UBE2L3: variants seen among roughly 807,000 people sequenced by gnomAD.
UBE2L3 encodes ubiquitin-conjugating enzyme E2 L3.
A neutral mutation model predicts 17.8 loss-of-function variants in UBE2L3; 1 was observed. That is an observed-to-expected ratio of 0.06 (90% confidence interval 0.02 to 0.27). The LOEUF (loss-of-function observed/expected upper bound fraction) is 0.27. Among genes scored for constraint, UBE2L3 ranks in the 10% least tolerant of loss-of-function variants. UBE2L3 has a pLI of 1.00. For synonymous variants in UBE2L3, 44 were observed against 68.5 expected (o/e 0.64, Z 1.76); for missense variants, 40 against 192.6 (o/e 0.21, Z 4.69).
chr22:21,580,096 C>T (rs994375121), intron 1 of UBE2L3, among the ~76,000 whole-genome samples: 1 of 152,196 alleles, frequency 6.6e-6, no homozygotes, highest in Non-Finnish European at 1.5e-5. Context: ...CCAGAGCAAG[C>T]TAAGCCCTCC....
At chr22:21,602,353 A>G (rs1478360997) in intron 2 of UBE2L3, among the ~76,000 whole-genome samples, 1 of 152,168 alleles carries the variant, frequency 6.6e-6, no homozygotes, top group Non-Finnish European at 1.5e-5. Flanking sequence ...AACACACCAC[A>G]AGGACGTGCC....
chr22:21,605,507 TTTTC>T (rs1280390634), intron 2 of UBE2L3, among the ~76,000 whole-genome samples: 4 of 152,108 alleles, frequency 2.6e-5, no homozygotes, highest in Non-Finnish European at 5.9e-5. Flanking sequence ...TTTTTTTTCT[TTTTC>T]TTTTTCTTTT....
chr22:21,568,474 G>A (rs1926769794), intron 1 of UBE2L3: 1 of 975,766 alleles, frequency 1.0e-6, no homozygotes, highest in African/African-American at 1.8e-5. Context: ...TCCCCTCCCT[G>A]ATAAAGTGCC....
rs187574906 is a variant in UBE2L3, at chr22:21,604,356, G to A, written c.124-6501G>A. 2.0e-3 allele frequency among the ~76,000 whole-genome samples: 308 copies of A among 152,152 alleles called. 1 individual carries two copies. Among genetic ancestry groups the A allele is most frequent in the African/African-American group, 6.5e-3 (271 of 41,504 alleles). ...TCTACTAAAATACAAAAAATTAGCC[G>A]GACGTGGCAGCCTGCGCCTGTAATC... On this transcript the variant is annotated intron_variant, in intron 2 of 3. Coordinates refer to ENST00000342192, the MANE Select transcript of UBE2L3 (RefSeq NM_003347.4).
At chr22:21,614,291 G>A (rs1205617408) in intron 3 of UBE2L3, among the ~76,000 whole-genome samples, 1 of 152,178 alleles carries the variant, frequency 6.6e-6, no homozygotes, top group Non-Finnish European at 1.5e-5. Flanking sequence ...AATATGGGAA[G>A]TGAAAGTGCC....
intron 1 of UBE2L3, among the ~76,000 whole-genome samples, chr22:21,573,371 G>T (rs144373037): frequency 2.6e-5 from 4 of 152,064 alleles, no homozygotes; most frequent in African/African-American, 9.7e-5. Context: ...TCTGGATCTC[G>T]TGATTGGCAT....
chr22:21,584,301 C>T (rs5998576), intron 1 of UBE2L3, among the ~76,000 whole-genome samples: 32,932 of 151,104 alleles, frequency 0.22, 4,364 homozygotes, highest in East Asian at 0.51. Flanking sequence ...CCTTAGCCTC[C>T]CGAGTAGCTG....
At chr22:21,594,640 C>A (rs193117654) in intron 2 of UBE2L3, among the ~76,000 whole-genome samples, 1 of 152,032 alleles carries the variant, frequency 6.6e-6, no homozygotes, top group East Asian at 1.9e-4. Flanking sequence ...ATGTTTAAAT[C>A]TGGGAGCTTC....
chr22:21,565,888 T>C (rs1926611471), upstream of UBE2L3, among the ~76,000 whole-genome samples: 1 of 151,392 alleles, frequency 6.6e-6, no homozygotes, highest in South Asian at 2.1e-4. Context: ...GCCTGAATGA[T>C]TGCAACCGGT....
chr22:21,570,349 TTAAC>T (rs1244521020), intron 1 of UBE2L3, among the ~76,000 whole-genome samples: 2 of 152,218 alleles, frequency 1.3e-5, no homozygotes, highest in Non-Finnish European at 2.9e-5. Context: ...AATTGTAACA[TTAAC>T]TGAGTATTTA....
At chr22:21,591,472 C>T (rs762252550) in intron 1 of UBE2L3, among the ~76,000 whole-genome samples, 1 of 152,198 alleles carries the variant, frequency 6.6e-6, no homozygotes, top group South Asian at 2.1e-4. Flanking sequence ...CCACCTCTTC[C>T]GTGTATTCAT....
chr22:21,564,440 G>A (rs1428371028), upstream of UBE2L3, among the ~76,000 whole-genome samples: 1 of 152,182 alleles, frequency 6.6e-6, no homozygotes, highest in Non-Finnish European at 1.5e-5. Context: ...GCCTGCTAGA[G>A]GGAGCAATGA....
intron 2 of UBE2L3, among the ~76,000 whole-genome samples, chr22:21,593,837 C>G (rs2148423601): frequency 1.3e-5 from 2 of 152,274 alleles, no homozygotes; most frequent in Admixed American, 1.3e-4. Flanking sequence ...CTGCCACTCG[C>G]TCCTGTTCTG....
chr22:21,587,949 T>C (rs1325142417), intron 1 of UBE2L3, among the ~76,000 whole-genome samples: 3 of 152,198 alleles, frequency 2.0e-5, no homozygotes, highest in African/African-American at 7.2e-5. Flanking sequence ...TGGACCTCAT[T>C]CTGAGAAGCA....
At chr22:21,589,469 A>T (rs1308806633) in intron 1 of UBE2L3, among the ~76,000 whole-genome samples, 1 of 152,130 alleles carries the variant, frequency 6.6e-6, no homozygotes, top group Non-Finnish European at 1.5e-5. Flanking sequence ...TGGGCTAAAT[A>T]GTTTCTGTCC....
chr22:21,588,345 C>T (rs1016423044), intron 1 of UBE2L3, among the ~76,000 whole-genome samples: 34 of 152,036 alleles, frequency 2.2e-4, no homozygotes, highest in Non-Finnish European at 1.0e-4. Flanking sequence ...TCTCAGTTAT[C>T]GGGGCACAGT....
At chr22:21,563,664 C>T (rs529501059), upstream of UBE2L3, among the ~76,000 whole-genome samples, 5 of 146,846 alleles carry the variant, frequency 3.4e-5, no homozygotes, top group East Asian at 1.0e-3. Context: ...GCAACCTCCC[C>T]CTCCCGGGTT....
intron 1 of UBE2L3, among the ~76,000 whole-genome samples, chr22:21,575,123 GT>G (rs1367950444): frequency 6.6e-6 from 1 of 151,378 alleles, no homozygotes; most frequent in Non-Finnish European, 1.5e-5. Flanking sequence ...GCTGGGTGTG[GT>G]GGCATGTGCC....
intron 1 of UBE2L3, among the ~76,000 whole-genome samples, chr22:21,571,613 G>C (rs1458900111): frequency 6.6e-6 from 1 of 152,150 alleles, no homozygotes; most frequent in Non-Finnish European, 1.5e-5. Flanking sequence ...TGTTTGCCAT[G>C]CTGGTCTCTA....
Sources: allele counts gnomAD v4.1 joint callset (sites outside exome capture counted in the v4.1 genomes callset), GRCh38; gene constraint gnomAD v4.1.1; transcripts MANE v1.5; gene names NCBI Gene and HGNC (gene_info 2026-07-23, HGNC 2026-07-21).